Variants in SYT16 observed in about 807,000 individuals in gnomAD.
SYT16 encodes synaptotagmin-16.
A neutral mutation model predicts 61.4 loss-of-function variants in SYT16; 42 were observed. That is an observed-to-expected ratio of 0.68 (90% CI 0.53 to 0.89). The LOEUF (loss-of-function observed/expected upper bound fraction) is 0.89, where lower values mean the gene tolerates loss of function less well. Among genes scored for constraint, SYT16 ranks in the 40% least tolerant of loss-of-function variants. SYT16 has a pLI of 0.00. For synonymous variants in SYT16, 314 were observed against 302.3 expected, an observed-to-expected ratio of 1.04 and a Z score of -0.40; for missense variants, 804 against 807.3, an observed-to-expected ratio of 1.00 and a Z score of 0.05.
At chr14:61,995,521 A>G (rs2052727324) in intron 2 of SYT16, among the ~76,000 whole-genome samples, 2 of 152,144 alleles carry the variant, frequency 1.3e-5, no homozygotes, top group South Asian at 4.1e-4. Flanking sequence ...AGGTTTGTAG[A>G]TGAAACATCT....
At position 62,109,593 on chromosome 14, in the gene SYT16, AT is replaced by A. The variant is rs879513099; in HGVS notation, c.*8887del. On this transcript the variant is annotated 3_prime_UTR_variant, in exon 8 of 8. Transcript: ENST00000683842. ...ATTGGGGGAGGAGATTTATGAAAAA[AT>A]ATAATAATTTCATAATTTATATTAC... The A allele has an allele frequency of 2.6e-4, 40 of 152,292 alleles. No individual in the cohort carries two copies. The highest frequency in any genetic ancestry group is 1.4e-3 in the Admixed American group (21 of 15,292). 9.4% of individuals were successfully genotyped at this position (152,292 alleles called of 1,614,324 possible).
chr14:61,914,940 C>T (rs1161289506), intron 1 of SYT16, among the ~76,000 whole-genome samples: 3 of 152,146 alleles, frequency 2.0e-5, no homozygotes, highest in African/African-American at 7.2e-5. Flanking sequence ...CAAACTCTTA[C>T]CATGGCCCAT....
intron 1 of SYT16, among the ~76,000 whole-genome samples, chr14:61,934,739 G>T (rs2049909433): frequency 6.6e-6 from 1 of 152,118 alleles, no homozygotes; most frequent in Admixed American, 6.5e-5. Flanking sequence ...TTCCTTACCT[G>T]CAAAGTGATA....
chr14:62,003,285 C>T (rs558211496), intron 3 of SYT16, among the ~76,000 whole-genome samples: 2 of 152,124 alleles, frequency 1.3e-5, no homozygotes, highest in East Asian at 1.9e-4. Flanking sequence ...GCTCTCCACC[C>T]GTCTTTCTTG....
intron 3 of SYT16, among the ~76,000 whole-genome samples, chr14:62,045,471 C>T (rs1349923234): frequency 6.6e-6 from 1 of 151,674 alleles, no homozygotes; most frequent in Non-Finnish European, 1.5e-5. Flanking sequence ...TATTATTATA[C>T]TTTAAGTTTT....
rs180866673 is a variant in SYT16, at chr14:61,949,790, G to A, written c.-324-20342G>A. Among the ~76,000 whole-genome samples, 241 of 152,284 alleles carry A rather than the reference G, an allele frequency of 1.6e-3. 2 individuals are homozygous for A. The highest frequency in any genetic ancestry group is 0.011 in the Admixed American group (172 of 15,304). On this transcript the variant is annotated intron_variant, in intron 1 of 7. Transcript: ENST00000683842. Reference sequence around the variant, plus strand: ...ACCCATGTAAGTACTTTAGCCCCCTGTGATTCTGATCTGGTGAGGGTAGCT... The same window carrying A: ...ACCCATGTAAGTACTTTAGCCCCCTATGATTCTGATCTGGTGAGGGTAGCT...
intron 1 of SYT16, among the ~76,000 whole-genome samples, chr14:61,907,774 G>T (rs191838936): frequency 6.6e-6 from 1 of 152,352 alleles, no homozygotes; most frequent in East Asian, 1.9e-4. Flanking sequence ...TATGGGGAGA[G>T]ACTACAGAAG....
chr14:62,012,200 A>ATAATCAAAG (rs1172755675), intron 3 of SYT16, among the ~76,000 whole-genome samples: 1 of 152,154 alleles, frequency 6.6e-6, no homozygotes, highest in African/African-American at 2.4e-5. Flanking sequence ...TCACATGGCT[A>ATAATCAAAG]TAATCAAAGT....
chr14:61,821,939 G>T (rs1566608278), intron 1 of SYT16, among the ~76,000 whole-genome samples: 1 of 152,136 alleles, frequency 6.6e-6, no homozygotes, highest in Non-Finnish European at 1.5e-5. Context: ...ACTAGTCAGG[G>T]TTCTCCAGAG....
At chr14:61,973,111 A>G (rs1595055655) in intron 2 of SYT16, among the ~76,000 whole-genome samples, 1 of 152,212 alleles carries the variant, frequency 6.6e-6, no homozygotes, top group East Asian at 1.9e-4. Context: ...GAAGAATAAA[A>G]TAATTCCTTT....
At chr14:61,959,161 T>C (rs557437990) in intron 1 of SYT16, among the ~76,000 whole-genome samples, 21 of 152,282 alleles carry the variant, frequency 1.4e-4, no homozygotes, top group Non-Finnish European at 2.9e-4. Flanking sequence ...CGTGACTCTT[T>C]TATATGTGGC....
intron 1 of SYT16, among the ~76,000 whole-genome samples, chr14:61,965,354 C>T (rs745615529): frequency 6.6e-6 from 1 of 152,148 alleles, no homozygotes; most frequent in Non-Finnish European, 1.5e-5. Context: ...TTAGACTTCT[C>T]ACTAAGTACT....
chr14:62,046,982 T>C (rs1012946426), intron 3 of SYT16, among the ~76,000 whole-genome samples: 1 of 152,210 alleles, frequency 6.6e-6, no homozygotes, highest in Non-Finnish European at 1.5e-5. Context: ...TTTTTCCAAT[T>C]CTGTGAAGAA....
intron 1 of SYT16, among the ~76,000 whole-genome samples, chr14:61,954,683 G>A (rs1335931463): frequency 6.6e-6 from 1 of 152,092 alleles, no homozygotes; most frequent in Non-Finnish European, 1.5e-5. Context: ...ATATAGGGAT[G>A]CAACATGCCT....
chr14:62,010,198 C>T (rs1278805445), intron 3 of SYT16, among the ~76,000 whole-genome samples: 2 of 152,180 alleles, frequency 1.3e-5, no homozygotes, highest in Non-Finnish European at 2.9e-5. Context: ...TTATAGGTAA[C>T]TGATGAAGCA....
At chr14:62,006,137 A>C (rs966138359) in intron 3 of SYT16, among the ~76,000 whole-genome samples, 1 of 152,084 alleles carries the variant, frequency 6.6e-6, no homozygotes, top group Non-Finnish European at 1.5e-5. Context: ...TAAAACTAGG[A>C]TATGTGATTG....
intron 7 of SYT16, among the ~76,000 whole-genome samples, chr14:62,088,211 A>G (rs555101100): frequency 6.6e-6 from 1 of 152,372 alleles, no homozygotes; most frequent in East Asian, 1.9e-4. Context: ...CCTCACGCCC[A>G]TCTAGAGAAG....
At chr14:61,846,816 T>C (rs2046458821) in intron 1 of SYT16, among the ~76,000 whole-genome samples, 1 of 152,216 alleles carries the variant, frequency 6.6e-6, no homozygotes, top group Non-Finnish European at 1.5e-5. Context: ...ATCTTTTGTG[T>C]ATCTGTTGTA....
intron 1 of SYT16, among the ~76,000 whole-genome samples, chr14:61,849,471 G>A (rs1033665117): frequency 3.9e-5 from 6 of 152,170 alleles, no homozygotes; most frequent in Non-Finnish European, 7.3e-5. Context: ...TTGTGGTGGC[G>A]AGGCTTGCTG....
Sources: gnomAD v4.1 joint callset for allele counts (sites outside exome capture counted in the v4.1 genomes callset) on GRCh38, gnomAD v4.1.1 for gene constraint, MANE v1.5 for transcripts, NCBI Gene and HGNC (gene_info 2026-07-23, HGNC 2026-07-21) for gene names.